CDK14: variants seen among roughly 807,000 people sequenced by gnomAD.
CDK14 encodes cyclin dependent kinase 14, also known as cyclin-dependent kinase 14.
In CDK14, 34 loss-of-function variants were observed where a neutral mutation model predicts 60.7. That is an observed-to-expected ratio of 0.56 (90% CI 0.43 to 0.75). The LOEUF (loss-of-function observed/expected upper bound fraction) is 0.75. CDK14 is among the 30% of genes least tolerant of loss of function. The pLI, the probability that CDK14 is intolerant of heterozygous loss-of-function variation, is 0.00. For missense variants in CDK14, 482 were observed against 564.1 expected, an observed-to-expected ratio of 0.85 and a Z score of 1.47; for synonymous variants, 197 against 203.7, an observed-to-expected ratio of 0.97 and a Z score of 0.28.
At chr7:90,969,128 C>G (rs1379799989) in intron 9 of CDK14, among the ~76,000 whole-genome samples, 2 of 152,126 alleles carry the variant, frequency 1.3e-5, no homozygotes. Context: ...AAAAATGGAC[C>G]CTGTTAATCT....
At chr7:90,899,267 T>C (rs751531255) in intron 6 of CDK14, 24 bp from the exon 7 acceptor site, 1 of 1,568,574 alleles carries the variant, frequency 6.4e-7, no homozygotes, top group Non-Finnish European at 8.7e-7. Context: ...GGGTTATTAA[T>C]ACATTTTTCC....
At chr7:90,643,792 T>C (rs1197246231) in intron 2 of CDK14, among the ~76,000 whole-genome samples, 1 of 152,192 alleles carries the variant, frequency 6.6e-6, no homozygotes, top group Non-Finnish European at 1.5e-5. Flanking sequence ...CCTCCACAGG[T>C]CTGTGGCAGC....
chr7:90,752,559 A>G (rs987154854), intron 4 of CDK14, among the ~76,000 whole-genome samples: 1 of 152,122 alleles, frequency 6.6e-6, no homozygotes, highest in Admixed American at 6.5e-5. Flanking sequence ...ACCTAAAAAA[A>G]TTAGAAAGAT....
intron 2 of CDK14, among the ~76,000 whole-genome samples, chr7:90,654,800 G>C (rs1263726995): frequency 6.6e-6 from 1 of 152,122 alleles, no homozygotes; most frequent in African/African-American, 2.4e-5. Flanking sequence ...GGTACATTTA[G>C]TATAATTCAT....
intron 7 of CDK14, among the ~76,000 whole-genome samples, chr7:90,909,805 G>A (rs1225417746): frequency 6.6e-6 from 1 of 152,010 alleles, no homozygotes; most frequent in Non-Finnish European, 1.5e-5. Flanking sequence ...TTTAGGAAAA[G>A]CATATTAATG....
chr7:91,055,907 C>T (rs989168286), intron 11 of CDK14, among the ~76,000 whole-genome samples: 1 of 152,128 alleles, frequency 6.6e-6, no homozygotes, highest in African/African-American at 2.4e-5. Context: ...ATAAACTGGC[C>T]GTACACTTTT....
At chr7:90,807,174 GTGGGTCCCT>G (rs1788881125) in intron 5 of CDK14, among the ~76,000 whole-genome samples, 1 of 152,252 alleles carries the variant, frequency 6.6e-6, no homozygotes, top group African/African-American at 2.4e-5. Context: ...GCCTCCTCAA[GTGGGTCCCT>G]GACCCCCGAG....
At chr7:90,710,885 AG>A (rs544784665) in intron 2 of CDK14, among the ~76,000 whole-genome samples, 4 of 152,102 alleles carry the variant, frequency 2.6e-5, no homozygotes, top group Admixed American at 6.6e-5. Context: ...TTGAACTTGA[AG>A]GACATGTTTT....
intron 14 of CDK14, among the ~76,000 whole-genome samples, chr7:91,189,052 G>A (rs779270063): frequency 6.6e-6 from 1 of 151,778 alleles, no homozygotes; most frequent in Non-Finnish European, 1.5e-5. Flanking sequence ...TTTCCTCTTC[G>A]TCATTTTACT....
At chr7:90,721,434 C>G (rs1802448168) in intron 2 of CDK14, among the ~76,000 whole-genome samples, 1 of 152,062 alleles carries the variant, frequency 6.6e-6, no homozygotes, top group African/African-American at 2.4e-5. Context: ...TCTATTTAAC[C>G]ATACTTTTAT....
intron 5 of CDK14, among the ~76,000 whole-genome samples, chr7:90,796,002 A>G (rs1788411913): frequency 6.6e-6 from 1 of 152,154 alleles, no homozygotes; most frequent in African/African-American, 2.4e-5. Flanking sequence ...CAAGCTCCTG[A>G]GGCACATTAA....
chr7:90,760,204 TAGG>T (rs1804259712), intron 4 of CDK14, among the ~76,000 whole-genome samples: 1 of 151,680 alleles, frequency 6.6e-6, no homozygotes. Flanking sequence ...CCAGGAGAAA[TAGG>T]GGGGAAGAAA....
intron 2 of CDK14, among the ~76,000 whole-genome samples, chr7:90,659,933 G>A (rs183422362): frequency 6.7e-6 from 1 of 148,692 alleles, no homozygotes; most frequent in Non-Finnish European, 1.5e-5. Flanking sequence ...AGATTTTTTG[G>A]ATTGACTCCA....
intron 2 of CDK14, among the ~76,000 whole-genome samples, chr7:90,721,391 A>G (rs1368910649): frequency 1.3e-5 from 2 of 152,154 alleles, no homozygotes; most frequent in East Asian, 3.9e-4. Context: ...TGAAATCATA[A>G]TGAACTCATG....
At position 90,651,835 on chromosome 7, in the gene CDK14, G is replaced by A. The variant is rs573291738; in HGVS notation, c.123+47586G>A. Reference sequence around the variant, plus strand: ...CTCCAGGATCCTAATTCCTTAGTCCGCAGTGGTCCTAGACATCCAGGTTAT... The same window carrying A: ...CTCCAGGATCCTAATTCCTTAGTCCACAGTGGTCCTAGACATCCAGGTTAT... On this transcript the variant is annotated intron_variant, in intron 2 of 14. Coordinates refer to ENST00000380050, the MANE Select transcript of CDK14 (RefSeq NM_001287135.2). Among the ~76,000 whole-genome samples, 16 of 152,074 alleles carry A rather than the reference G, an allele frequency of 1.1e-4. No homozygotes were observed. In the East Asian group the frequency reaches 1.4e-3, roughly 13 times the overall value.
chr7:90,860,349 C>T (rs1252611914), intron 5 of CDK14, among the ~76,000 whole-genome samples: 3 of 151,740 alleles, frequency 2.0e-5, no homozygotes, highest in Admixed American at 2.0e-4. Context: ...TATCATTTGA[C>T]CCCATAATTC....
intron 8 of CDK14, among the ~76,000 whole-genome samples, chr7:90,917,925 G>A (rs562400237): frequency 6.6e-6 from 1 of 151,816 alleles, no homozygotes; most frequent in African/African-American, 2.4e-5. Context: ...AATTCAGACT[G>A]CTTGTTAGAG....
chr7:90,931,549 C>G, intron 8 of CDK14, among the ~76,000 whole-genome samples: 1 of 152,226 alleles, frequency 6.6e-6, no homozygotes, highest in Non-Finnish European at 1.5e-5. Flanking sequence ...AGCCTCCTGA[C>G]AGTCCCTGTC....
rs747439482 is a variant in CDK14, at chr7:90,874,503, C to CTTTTTTTT, written c.639+11263_639+11270dup. ...ATCTGGAATCTCATGTCCTTTCATC[C>CTTTTTTTT]TTTTTTTTTTTTTTTTTTTTTTTTT... On this transcript the variant is annotated intron_variant, in intron 6 of 14. Transcript: ENST00000380050. Among the ~76,000 whole-genome samples the CTTTTTTTT allele has an allele frequency of 2.0e-3, 96 of 48,008 alleles. 28 individuals carry two copies. Among genetic ancestry groups the CTTTTTTTT allele is most frequent in the East Asian group, 0.011 (9 of 834 alleles). 31.5% of individuals were successfully genotyped at this position (48,008 alleles called of 152,430 possible).
Sources: gnomAD v4.1 joint callset for allele counts (sites outside exome capture counted in the v4.1 genomes callset) on GRCh38, gnomAD v4.1.1 for gene constraint, MANE v1.5 for transcripts, NCBI Gene and HGNC (gene_info 2026-07-23, HGNC 2026-07-21) for gene names.